The following MMP26 variants were observed in gnomAD, a reference collection of about 807,000 sequenced individuals.
The protein encoded by MMP26 is matrix metallopeptidase 26.
Under a neutral mutation model 31.0 loss-of-function variants are expected in MMP26, and 33 were observed. The ratio of observed to expected loss-of-function variants is 1.06; its 90% CI spans 0.81 to 1.42. The LOEUF (loss-of-function observed/expected upper bound fraction) is 1.42. Ranked by LOEUF, MMP26 falls within the 40% of genes most tolerant of loss-of-function variation. The pLI is 0.00. For missense variants in MMP26, 347 were observed against 316.1 expected (o/e 1.10, Z -0.74); for synonymous variants, 122 against 114.9 (o/e 1.06, Z -0.40).
At chr11:4,824,264 G>A (rs1849552191) in intron 2 of MMP26, among the ~76,000 whole-genome samples, 1 of 152,118 alleles carries the variant, frequency 6.6e-6, no homozygotes, top group African/African-American at 2.4e-5. Context: ...TATTGCAAAT[G>A]TATGCTGGGT....
chr11:4,882,342 T>G lies in MMP26; in HGVS notation c.-144-105726T>G, dbSNP rs1850482574. On this transcript the variant is annotated intron_variant, in intron 2 of 7. Transcript: ENST00000380390. ...GACAGGATGGTCCTGGTGATAGGGC[T>G]GGTCATCTGCATTAGACCAGCAGTT... is the stretch of plus-strand genomic sequence containing the variant. The G allele has an allele frequency of 1.9e-6, 3 of 1,613,874 alleles. No individual in the cohort carries two copies. In the African/African-American group the frequency reaches 4.0e-5, roughly 22 times the overall value.
intron 2 of MMP26, among the ~76,000 whole-genome samples, chr11:4,874,126 C>T (rs1428289585): frequency 3.9e-5 from 6 of 152,028 alleles, no homozygotes; most frequent in South Asian, 2.1e-4. Flanking sequence ...TTTTCTGCAG[C>T]GATGAAACTA....
intron 1 of MMP26, among the ~76,000 whole-genome samples, chr11:4,764,843 A>G (rs1848609385): frequency 6.6e-6 from 1 of 151,862 alleles, no homozygotes; most frequent in Non-Finnish European, 1.5e-5. Context: ...GCGCCACTGC[A>G]CCCCAGCCTG....
intron 2 of MMP26, among the ~76,000 whole-genome samples, chr11:4,897,018 T>C (rs1310738903): frequency 6.6e-6 from 1 of 152,150 alleles, no homozygotes; most frequent in Non-Finnish European, 1.5e-5. Context: ...ATGGCCACAC[T>C]GACCATATAT....
intron 2 of MMP26, among the ~76,000 whole-genome samples, chr11:4,826,118 A>G (rs1306603049): frequency 6.6e-6 from 1 of 152,118 alleles, no homozygotes; most frequent in Non-Finnish European, 1.5e-5. Flanking sequence ...AAAGGGCCTT[A>G]TCAGTGAGGT....
intron 1 of MMP26, among the ~76,000 whole-genome samples, chr11:4,738,882 A>G (rs1284995081): frequency 2.6e-5 from 4 of 152,226 alleles, no homozygotes; most frequent in African/African-American, 9.6e-5. Context: ...ATAATTTTAT[A>G]TAAAGAAATA....
chr11:4,892,592 A>G (rs1850640801), intron 2 of MMP26, among the ~76,000 whole-genome samples: 2 of 152,214 alleles, frequency 1.3e-5, no homozygotes, highest in Non-Finnish European at 2.9e-5. Flanking sequence ...AATCATTATT[A>G]ATTAAATCTT....
chr11:4,719,058 A>G (rs941097294), intron 1 of MMP26: 1 of 156,880 alleles, frequency 6.4e-6, no homozygotes, highest in Non-Finnish European at 1.4e-5. Context: ...TTTGAGTAGC[A>G]ATTATCACCA....
chr11:4,929,526 T>A (rs1851318288), intron 2 of MMP26, among the ~76,000 whole-genome samples: 1 of 152,198 alleles, frequency 6.6e-6, no homozygotes, highest in East Asian at 1.9e-4. Context: ...TATGCACAGC[T>A]GCTGAAGGTA....
At chr11:4,857,810 A>C (rs547063034) in intron 2 of MMP26, among the ~76,000 whole-genome samples, 1 of 152,268 alleles carries the variant, frequency 6.6e-6, no homozygotes, top group African/African-American at 2.4e-5. Context: ...GATGAACATC[A>C]ATGCAAAAAT....
chr11:4,885,536 A>T (rs964773532), intron 2 of MMP26, among the ~76,000 whole-genome samples: 22 of 152,140 alleles, frequency 1.4e-4, no homozygotes, highest in Admixed American at 9.8e-4. Context: ...TTTGTAGTCT[A>T]GGAGCAATAG....
rs1429929653 is a variant in MMP26, at chr11:4,989,596, T to A, written c.100-52T>A. 3.4e-6 allele frequency: 5 copies of A among 1,460,142 alleles called. No homozygotes were observed. In the African/African-American group the frequency reaches 7.0e-5, roughly 20 times the overall value. The allele number at this position is 1,460,142 out of a possible 1,614,324, so 90.4% of individuals were successfully genotyped here. A position where few individuals can be genotyped will look rare whatever the true frequency, so the allele number is the denominator to read the frequency against. ...AAGGCTATGCCCAGGGTAACTGATATATGGGTCTTCCCTATTGACTCTTAG... is the reference window on the plus strand; with the variant it reads ...AAGGCTATGCCCAGGGTAACTGATAAATGGGTCTTCCCTATTGACTCTTAG... On this transcript the variant is annotated intron_variant, in intron 3 of 7. Coordinates refer to ENST00000380390, the MANE Select transcript of MMP26 (RefSeq NM_021801.5).
intron 2 of MMP26, among the ~76,000 whole-genome samples, chr11:4,798,958 C>T (rs948049670): frequency 5.3e-5 from 8 of 152,134 alleles, no homozygotes; most frequent in African/African-American, 1.4e-4. Flanking sequence ...TTGAAAACCA[C>T]GAAAAGCTGA....
intron 2 of MMP26, among the ~76,000 whole-genome samples, chr11:4,824,543 C>T (rs1403058331): frequency 6.6e-6 from 1 of 152,098 alleles, no homozygotes; most frequent in Non-Finnish European, 1.5e-5. Flanking sequence ...TTGAAATGAA[C>T]CAGACTTCCT....
intron 1 of MMP26, chr11:4,710,366 T>G (rs1310532536): frequency 2.2e-6 from 1 of 456,916 alleles, no homozygotes. Flanking sequence ...TGCACAGATT[T>G]GGAAAGCATG....
At chr11:4,906,852 A>G (rs1850897867) in intron 2 of MMP26, among the ~76,000 whole-genome samples, 1 of 152,136 alleles carries the variant, frequency 6.6e-6, no homozygotes, top group Non-Finnish European at 1.5e-5. Flanking sequence ...GCACTTTGGG[A>G]GGCCAAGGCA....
intron 1 of MMP26, among the ~76,000 whole-genome samples, chr11:4,766,396 A>C (rs1322491528): frequency 6.6e-6 from 1 of 152,092 alleles, no homozygotes; most frequent in Non-Finnish European, 1.5e-5. Flanking sequence ...TTCATGGGTC[A>C]CTCACCCAGG....
chr11:4,853,876 T>C (rs1048082759), intron 2 of MMP26, among the ~76,000 whole-genome samples: 3 of 152,162 alleles, frequency 2.0e-5, no homozygotes, highest in African/African-American at 4.8e-5. Context: ...AATAGACATA[T>C]AAATTCTTAA....
Position 4,798,203 on chromosome 11 carries a change from G to A in MMP26, c.-145+30862G>A, listed in dbSNP as rs536894984. 2.0e-5 allele frequency among the ~76,000 whole-genome samples: 3 copies of A among 152,350 alleles called. No individual in the cohort carries two copies. In the South Asian group the frequency reaches 6.2e-4, roughly 32 times the overall value. On this transcript the variant is annotated intron_variant, in intron 2 of 7. Coordinates refer to ENST00000380390, the MANE Select transcript of MMP26 (RefSeq NM_021801.5). Reference sequence around the variant, plus strand: ...CAGATTCATCAGGGGTGGGGATGGGGTGAAGGGAAGAGACAAGCTCTGCAA... The same window carrying A: ...CAGATTCATCAGGGGTGGGGATGGGATGAAGGGAAGAGACAAGCTCTGCAA...
Sources: gnomAD v4.1 joint callset for allele counts (sites outside exome capture counted in the v4.1 genomes callset) on GRCh38, gnomAD v4.1.1 for gene constraint, MANE v1.5 for transcripts, NCBI Gene and HGNC (gene_info 2026-07-23, HGNC 2026-07-21) for gene names.